Variants in UBR4 observed in about 807,000 individuals in gnomAD.
The protein encoded by UBR4 is ubiquitin protein ligase E3 component n-recognin 4.
UBR4 carries 124 observed loss-of-function variants against 575.6 expected under a neutral mutation model. That is an observed-to-expected ratio of 0.22 (90% CI 0.19 to 0.25). The LOEUF is 0.25. Among genes scored for constraint, UBR4 ranks in the 10% least tolerant of loss-of-function variants. The pLI is 1.00. For synonymous variants in UBR4, 2,455 were observed against 2,473.7 expected, an observed-to-expected ratio of 0.99 and a Z score of 0.22; for missense variants, 4,818 against 6,478.8, an observed-to-expected ratio of 0.74 and a Z score of 8.80.
At chr1:19,151,276 C>G (rs1401636272) in intron 48 of UBR4, 1 of 347,202 alleles carries the variant, frequency 2.9e-6, no homozygotes, top group East Asian at 6.5e-5. Flanking sequence ...CATTGCCAAC[C>G]ATCTCTCAGC....
chr1:19,159,604 T>C (rs1040058162), intron 39 of UBR4, among the ~76,000 whole-genome samples: 3 of 135,236 alleles, frequency 2.2e-5, no homozygotes, highest in African/African-American at 5.5e-5. Context: ...GCCCCACTCC[T>C]TTTTTTTTTT....
At chr1:19,115,895 AG>A (rs2149384530) in intron 73 of UBR4, among the ~76,000 whole-genome samples, 1 of 152,364 alleles carries the variant, frequency 6.6e-6, no homozygotes, top group East Asian at 1.9e-4. Flanking sequence ...GGAAAACAAC[AG>A]AAGTATATAA....
At chr1:19,129,150 A>G (rs915934853) in intron 60 of UBR4, 76 bp from the exon 61 acceptor site, 14 of 1,238,846 alleles carry the variant, frequency 1.1e-5, no homozygotes, top group Middle Eastern at 2.2e-4. Flanking sequence ...TCCCTCCCCA[A>G]CCCCACCCTG....
chr1:19,154,825 A>G, intron 44 of UBR4, 93 bp downstream of exon 44: 1 of 1,543,698 alleles, frequency 6.5e-7, no homozygotes, highest in Non-Finnish European at 8.9e-7. Context: ...ATTAAGTTTC[A>G]CAAAACTCAG....
chr1:19,156,856 G>C lies in UBR4; in HGVS notation c.5830C>G (p.Arg1944Gly). The C allele has an allele frequency of 1.9e-6, 3 of 1,614,152 alleles. No individual in the cohort carries two copies. Among genetic ancestry groups the C allele is most frequent in the Non-Finnish European group, 2.5e-6 (3 of 1,180,010 alleles). ...DSSKRKLTLT[R>G]LASAPVPFTV... is the part of the protein sequence containing the mutation. The stretch of plus-strand genomic sequence containing the variant: ...AAAGGAACTGGGGCAGAAGCCAAGC[G>C]GGTCAGAGTTAACTTCCTTTTGCTG... Residue 1944 changes from arginine to glycine, a missense_variant, in exon 41 of 106, where the codon CGC (arginine) becomes GGC (glycine). Around this residue, in one of 29 missense-constraint regions of UBR4, gnomAD observed 461 missense variants for 606.9 expected, o/e 0.76. Transcript: ENST00000375254.
intron 65 of UBR4, among the ~76,000 whole-genome samples, chr1:19,123,672 GAA>G (rs761341803): frequency 6.6e-6 from 1 of 152,094 alleles, no homozygotes; most frequent in Non-Finnish European, 1.5e-5. Flanking sequence ...CACCCAAAGG[GAA>G]ACTATCAAGA....
intron 49 of UBR4, 94 bp downstream of exon 49, chr1:19,150,483 T>C (rs756937542): frequency 8.7e-6 from 12 of 1,372,118 alleles, no homozygotes; most frequent in African/African-American, 2.9e-5. Flanking sequence ...AGCCTTGAGA[T>C]GGTTATTAGA....
intron 2 of UBR4, among the ~76,000 whole-genome samples, chr1:19,200,623 AAAAT>A (rs2092703187): frequency 6.6e-6 from 1 of 152,158 alleles, no homozygotes; most frequent in African/African-American, 2.4e-5. Flanking sequence ...ACCCGATCTC[AAAAT>A]AAATAAATAA....
intron 30 of UBR4, 106 bp downstream of exon 30, chr1:19,165,549 AG>A: frequency 8.0e-7 from 1 of 1,255,646 alleles, no homozygotes; most frequent in East Asian, 2.3e-5. Context: ...ACACCTAACC[AG>A]GCCTTAAATA....
intron 69 of UBR4, 87 bp downstream of exon 69, chr1:19,120,093 C>T (rs6693149): frequency 0.16 from 230,359 of 1,463,148 alleles, 19,352 homozygotes; most frequent in African/African-American, 0.26. Flanking sequence ...ACTCTGTGAC[C>T]ATATGTAACC....
chr1:19,148,177 G>T (rs377132209), intron 50 of UBR4, 50 bp from the exon 51 acceptor site: 62 of 1,566,476 alleles, frequency 4.0e-5, no homozygotes, highest in Non-Finnish European at 8.6e-6. Flanking sequence ...ACTCAAGGCA[G>T]AATGAACTAT....
In UBR4 at chr1:19,117,375, T is replaced by C; in HGVS notation, c.10669A>G (p.Thr3557Ala). The change falls in exon 73 of 106, where the codon ACC becomes GCC. Residue 3557 changes from threonine to alanine, a missense_variant. Transcript: ENST00000375254. This position sits in a 1 kb window ranked among gnomAD's most constrained non-coding sequence, Gnocchi z 4.0. ...AGCTTCACAACCTGCTGGGTGGTGGTGTACCGCGTGTCCACTTTAATGGAA... is the reference window on the plus strand; with the variant it reads ...AGCTTCACAACCTGCTGGGTGGTGGCGTACCGCGTGTCCACTTTAATGGAA... ...LSSIKVDTRYTTTQQVVKLIG... is the reference protein window; with the variant it reads ...LSSIKVDTRYATTQQVVKLIG... 6.2e-7 allele frequency: 1 copy of C among 1,614,198 alleles called. No homozygotes were observed. The highest frequency in any genetic ancestry group is 8.5e-7 in the Non-Finnish European group (1 of 1,180,028).
At chr1:19,137,290 A>G (rs2083304409) in intron 60 of UBR4, among the ~76,000 whole-genome samples, 1 of 151,248 alleles carries the variant, frequency 6.6e-6, no homozygotes, top group Non-Finnish European at 1.5e-5. Flanking sequence ...ACAGAGGGAG[A>G]CAGTCTCGAA....
At position 19,117,799 on chromosome 1, in the gene UBR4, T is replaced by C. The variant is rs750466961; in HGVS notation, c.10629+24A>G. ...CCACTGGACCTATTGGCCTCAGGAC[T>C]GTCCATGTACAGATGTTACTTACAC... On this transcript the variant is annotated intron_variant, in intron 72 of 105. Coordinates refer to ENST00000375254, the MANE Select transcript of UBR4 (RefSeq NM_020765.3). This position sits in a 1 kb window ranked among gnomAD's most constrained non-coding sequence, Gnocchi z 4.0. 9.3e-6 allele frequency: 15 copies of C among 1,608,370 alleles called. No homozygotes were observed. The Admixed American group carries it at 2.3e-4, about 25-fold the overall frequency.
rs760065785 is a variant in UBR4, at chr1:19,197,166, G to A, written c.993C>T (p.Val331=). 6.2e-7 allele frequency: 1 copy of A among 1,614,168 alleles called. No individual in the cohort carries two copies. The highest frequency in any genetic ancestry group is 1.1e-5 in the South Asian group (1 of 91,086). Residue 331 remains valine, a synonymous_variant, in exon 8 of 106, where the codon GTC becomes GTT. Coordinates refer to ENST00000375254, the MANE Select transcript of UBR4 (RefSeq NM_020765.3). ...LNPSRLQDVT[V]LSLSCLYAGV... Reference sequence around the variant, plus strand: ...CTGCATACAGACAACTTAGGCTGAGGACTGTCACATCTTGTAGACGAGAAG... The same window carrying A: ...CTGCATACAGACAACTTAGGCTGAGAACTGTCACATCTTGTAGACGAGAAG...
chr1:19,116,667 C>T (rs1479320859), intron 73 of UBR4, among the ~76,000 whole-genome samples: 2 of 152,214 alleles, frequency 1.3e-5, no homozygotes, highest in Non-Finnish European at 2.9e-5. Context: ...CACTATAACC[C>T]ATGTGAGTGC....
intron 92 of UBR4, among the ~76,000 whole-genome samples, chr1:19,096,287 A>G (rs1197998444): frequency 6.6e-6 from 1 of 152,196 alleles, no homozygotes; most frequent in African/African-American, 2.4e-5. Context: ...TTGGGGAAAG[A>G]CAGTCAGATG....
chr1:19,197,704 C>T lies in UBR4; in HGVS notation c.859G>A (p.Ala287Thr), dbSNP rs1195843784. Reference protein sequence around the residue: ...VLANSFFIMPATVADATAVRN... With the variant: ...VLANSFFIMPTTVADATAVRN... The stretch of plus-strand genomic sequence containing the variant: ...ACAGCAGTGGCATCTGCTACTGTTG[C>T]AGGCATTATGAAGAAGGAATTAGCT... Residue 287 changes from alanine (A) to threonine (T), a missense_variant, in exon 7 of 106, where the codon GCA (alanine) becomes ACA (threonine). By Grantham distance (58) the Ala-to-Thr change is moderately conservative. This residue lies in a region of UBR4 where 131 missense variants were observed against 214.5 expected (regional missense o/e 0.61). Transcript: ENST00000375254. The T allele has an allele frequency of 1.9e-6, 3 of 1,614,050 alleles. No individual in the cohort carries two copies. Among genetic ancestry groups the T allele is most frequent in the African/African-American group, 1.3e-5 (1 of 74,932 alleles).
chr1:19,104,930 C>T (rs2079026060), intron 85 of UBR4, 118 bp downstream of exon 85: 2 of 1,454,450 alleles, frequency 1.4e-6, no homozygotes, highest in Non-Finnish European at 1.9e-6. Context: ...TTTCCAAACA[C>T]CTTCAACAAA....
Sources: gnomAD v4.1 joint callset for allele counts (sites outside exome capture counted in the v4.1 genomes callset) on GRCh38, gnomAD v4.1.1 for gene constraint, gnomAD v4.1.1 regional missense constraint, Gnocchi (gnomAD v3.1) non-coding constraint, MANE v1.5 for transcripts, NCBI Gene and HGNC (gene_info 2026-07-23, HGNC 2026-07-21) for gene names.